Variants in TTBK2 observed in about 807,000 individuals in gnomAD.
The protein encoded by TTBK2 is tau-tubulin kinase 2.
A neutral mutation model predicts 110.8 loss-of-function variants in TTBK2; 28 were observed. That is an observed-to-expected ratio of 0.25 (90% confidence interval 0.19 to 0.35). The LOEUF (loss-of-function observed/expected upper bound fraction) is 0.35, where lower values mean the gene tolerates loss of function less well. Among genes scored for constraint, TTBK2 ranks in the 10% least tolerant of loss-of-function variants. The pLI is 1.00. For missense variants in TTBK2, 1,369 were observed against 1,500.3 expected (o/e 0.91, Z 1.45); for synonymous variants, 532 against 527.3 (o/e 1.01, Z -0.12).
At chr15:42,761,943 C>T (rs1302066594) in intron 13 of TTBK2, among the ~76,000 whole-genome samples, 2 of 152,162 alleles carry the variant, frequency 1.3e-5, no homozygotes, top group Admixed American at 6.5e-5. Flanking sequence ...ATCATGGGGG[C>T]AGGTCTTTCT....
intron 3 of TTBK2, among the ~76,000 whole-genome samples, chr15:42,863,164 A>G (rs763855631): frequency 6.6e-6 from 1 of 152,160 alleles, no homozygotes; most frequent in African/African-American, 2.4e-5. Context: ...CACCTAGAAC[A>G]CCCTAAAGAT....
chr15:42,826,029 T>G (rs906514268), intron 6 of TTBK2, among the ~76,000 whole-genome samples: 1 of 152,036 alleles, frequency 6.6e-6, no homozygotes, highest in South Asian at 2.1e-4. Context: ...TATATATATA[T>G]AGCAAGACAA....
At chr15:42,913,642 A>C (rs1388300537) in intron 1 of TTBK2, among the ~76,000 whole-genome samples, 1 of 152,196 alleles carries the variant, frequency 6.6e-6, no homozygotes, top group East Asian at 1.9e-4. Context: ...CGTCTCAAAA[A>C]AAAAAAAGTA....
chr15:42,799,520 G>C (rs761914396), intron 9 of TTBK2, among the ~76,000 whole-genome samples: 2 of 152,020 alleles, frequency 1.3e-5, no homozygotes, highest in Non-Finnish European at 2.9e-5. Flanking sequence ...TGCAACCTCT[G>C]CCTCCTGGGT....
At chr15:42,768,714 C>T (rs1030614841) in intron 13 of TTBK2, among the ~76,000 whole-genome samples, 12 of 152,292 alleles carry the variant, frequency 7.9e-5, no homozygotes, top group African/African-American at 2.9e-4. Flanking sequence ...AATGCCATCC[C>T]AATCAAGCTA....
chr15:42,747,596 T>C (rs150955470), intron 14 of TTBK2, among the ~76,000 whole-genome samples: 5 of 152,296 alleles, frequency 3.3e-5, no homozygotes, highest in East Asian at 1.9e-4. Context: ...CACGCTCCTA[T>C]GGGAATCTGA....
chr15:42,906,187 T>C (rs890694717), intron 1 of TTBK2, among the ~76,000 whole-genome samples: 2 of 148,706 alleles, frequency 1.3e-5, no homozygotes, highest in African/African-American at 5.0e-5. Flanking sequence ...AAACTCCATC[T>C]CAAAAAAAAA....
Position 42,912,799 on chromosome 15 carries a change from C to T in TTBK2, c.-68+7639G>A, listed in dbSNP as rs117095901. 6.7e-3 allele frequency among the ~76,000 whole-genome samples: 1,014 copies of T among 152,004 alleles called. 8 individuals carry two copies. The highest frequency in any genetic ancestry group is 0.01 in the Non-Finnish European group (708 of 67,968). The stretch of plus-strand genomic sequence containing the variant: ...GAAACAAGTTTACAAAGAGTACACA[C>T]CAGCTAAATTTTTCAAGGCATCTAA... On this transcript the variant is annotated intron_variant, in intron 1 of 14. Coordinates refer to ENST00000267890, the MANE Select transcript of TTBK2 (RefSeq NM_173500.4).
chr15:42,905,621 T>C (rs1319362169), intron 1 of TTBK2, among the ~76,000 whole-genome samples: 1 of 152,116 alleles, frequency 6.6e-6, no homozygotes. Context: ...CAAGACTTAA[T>C]GAAAAGAACT....
At chr15:42,759,857 C>A (rs561031946) in intron 13 of TTBK2, among the ~76,000 whole-genome samples, 2 of 151,930 alleles carry the variant, frequency 1.3e-5, no homozygotes, top group East Asian at 1.9e-4. Context: ...CATGAAAAAG[C>A]AAGGAAATAT....
chr15:42,801,493 G>T, intron 9 of TTBK2: 1 of 778,304 alleles, frequency 1.3e-6, no homozygotes, highest in East Asian at 2.5e-5. Context: ...TCATCTAGGA[G>T]ATCTCAGTCT....
chr15:42,918,080 T>C (rs1318404564), intron 1 of TTBK2, among the ~76,000 whole-genome samples: 1 of 152,106 alleles, frequency 6.6e-6, no homozygotes, highest in African/African-American at 2.4e-5. Context: ...TATTTATTTA[T>C]TTATTTATTT....
chr15:42,903,913 A>G (rs1332844318), intron 1 of TTBK2, among the ~76,000 whole-genome samples: 2 of 152,182 alleles, frequency 1.3e-5, no homozygotes, highest in Non-Finnish European at 2.9e-5. Flanking sequence ...CCCTATAGAA[A>G]GGCCCACATA....
At chr15:42,872,792 T>C in intron 2 of TTBK2, 34 bp from the exon 3 acceptor site, 1 of 1,610,942 alleles carries the variant, frequency 6.2e-7, no homozygotes, top group Non-Finnish European at 8.5e-7. Flanking sequence ...ACACTCTAAA[T>C]TACTAGAAGA....
chr15:42,804,008 CAAAA>C (rs781131720), intron 9 of TTBK2, among the ~76,000 whole-genome samples: 2 of 51,050 alleles, frequency 3.9e-5, no homozygotes, highest in Non-Finnish European at 9.5e-5. Flanking sequence ...GCGAGGAGTG[CAAAA>C]AAAAAAAAAA....
In TTBK2 at chr15:42,840,173, G is replaced by A. The variant is rs1595971330; in HGVS notation, c.291+187C>T. On this transcript the variant is annotated intron_variant, in intron 4 of 14. Coordinates refer to ENST00000267890, the MANE Select transcript of TTBK2 (RefSeq NM_173500.4). ...AAAGATACAGGTCAACTCAAATAGC[G>A]GACAAAGACAATTATTTCATTTTTG... Among the ~76,000 whole-genome samples, 5 of 152,050 alleles carry A rather than the reference G, an allele frequency of 3.3e-5. No homozygotes were observed. In the South Asian group the frequency reaches 6.2e-4, roughly 19 times the overall value.
In TTBK2 at chr15:42,840,341, C is replaced by T. The variant is rs778973788; in HGVS notation, c.291+19G>A. On this transcript the variant is annotated intron_variant, in intron 4 of 14. Transcript: ENST00000267890. ...ATCAAAACTGAAGAATTTAAAGATACGTTTTCAAGGTAACCTACCTGCAAC... is the reference window on the plus strand; with the variant it reads ...ATCAAAACTGAAGAATTTAAAGATATGTTTTCAAGGTAACCTACCTGCAAC... 12 of 1,606,746 alleles carry T rather than the reference C, an allele frequency of 7.5e-6. No individual in the cohort carries two copies. The African/African-American group carries it at 9.4e-5, about 13-fold the overall frequency.
intron 9 of TTBK2, among the ~76,000 whole-genome samples, chr15:42,799,939 A>G (rs1313511032): frequency 6.6e-6 from 1 of 152,066 alleles, no homozygotes; most frequent in Admixed American, 6.5e-5. Flanking sequence ...TCTACCAAAA[A>G]TACATAAAAT....
At chr15:42,891,993 G>A (rs1273591805) in intron 1 of TTBK2, among the ~76,000 whole-genome samples, 1 of 152,058 alleles carries the variant, frequency 6.6e-6, no homozygotes, top group African/African-American at 2.4e-5. Flanking sequence ...CAAACAACTG[G>A]AACTGACATT....
Sources: allele counts gnomAD v4.1 joint callset (sites outside exome capture counted in the v4.1 genomes callset), GRCh38; gene constraint gnomAD v4.1.1; transcripts MANE v1.5; gene names NCBI Gene and HGNC (gene_info 2026-07-23, HGNC 2026-07-21).